TCF20: variants seen among roughly 807,000 people sequenced by gnomAD.
TCF20 encodes the protein transcription factor 20, also known as SPRE-binding protein.
A neutral mutation model predicts 148.6 loss-of-function variants in TCF20; 3 were observed. The observed-to-expected ratio is 0.02, with a 90% CI of 0.01 to 0.05. The LOEUF (loss-of-function observed/expected upper bound fraction) is 0.05. Ranked by LOEUF, TCF20 falls within the 10% of genes least tolerant of loss-of-function variation. The pLI, the probability that TCF20 is intolerant of heterozygous loss-of-function variation, is 1.00. For missense variants in TCF20, 2,350 were observed against 2,429.3 expected (o/e 0.97, Z 0.69); for synonymous variants, 1,049 against 909.5 (o/e 1.15, Z -2.76).
At chr22:42,247,606 A>G (rs1411174850) in intron 1 of TCF20, among the ~76,000 whole-genome samples, 1 of 152,142 alleles carries the variant, frequency 6.6e-6, no homozygotes, top group African/African-American at 2.4e-5. Flanking sequence ...TGGAACCCTG[A>G]AGACCAAGGC....
intron 1 of TCF20, among the ~76,000 whole-genome samples, chr22:42,260,432 T>A (rs538217086): frequency 1.3e-5 from 2 of 152,240 alleles, no homozygotes; most frequent in South Asian, 4.2e-4. Context: ...AAAAAATGGT[T>A]TGGGAGGAAG....
intron 1 of TCF20, among the ~76,000 whole-genome samples, chr22:42,265,823 G>A (rs145471944): frequency 7.2e-4 from 109 of 152,332 alleles, no homozygotes; most frequent in African/African-American, 2.5e-3. Context: ...GTCAGGAAGA[G>A]ATAGCCCTTT....
chr22:42,283,430 C>T (rs1473570289), intron 1 of TCF20, among the ~76,000 whole-genome samples: 8 of 151,980 alleles, frequency 5.3e-5, no homozygotes, highest in Non-Finnish European at 1.0e-4. Context: ...GGGACGGGGG[C>T]GGGCACTCGG....
intron 2 of TCF20, among the ~76,000 whole-genome samples, chr22:42,203,641 G>C (rs17002876): frequency 0.64 from 97,652 of 152,030 alleles, 31,474 homozygotes; most frequent in East Asian, 0.66. Flanking sequence ...TTAGATACAA[G>C]TCTCTGCTAT....
chr22:42,258,029 G>A (rs1925836708), intron 1 of TCF20, among the ~76,000 whole-genome samples: 1 of 152,158 alleles, frequency 6.6e-6, no homozygotes, highest in East Asian at 1.9e-4. Flanking sequence ...GGGGAACAGT[G>A]GAATTGCCAG....
At chr22:42,234,951 C>T (rs1026883436) in intron 1 of TCF20, among the ~76,000 whole-genome samples, 1 of 151,912 alleles carries the variant, frequency 6.6e-6, no homozygotes, top group Non-Finnish European at 1.5e-5. Context: ...CAAGCCTGGC[C>T]AACATGGTGA....
In TCF20 at chr22:42,215,437, C is replaced by T. The variant is rs962059908; in HGVS notation, c.-36-96G>A. 109 of 1,426,274 alleles carry T rather than the reference C, an allele frequency of 7.6e-5. 1 individual carries two copies. Among genetic ancestry groups the T allele is most frequent in the Non-Finnish European group, 9.7e-5 (105 of 1,080,714 alleles). 88.4% of individuals were successfully genotyped at this position (1,426,274 alleles called of 1,614,324 possible). A position where few individuals can be genotyped will look rare whatever the true frequency, so the allele number is the denominator to read the frequency against. ...GGAGGGAATAAAGATGAATCAGAGG[C>T]CCAGATGAAGCTGACTGGTTTGAAT... On this transcript the variant is annotated intron_variant, in intron 1 of 5. Transcript: ENST00000677622.
intron 1 of TCF20, among the ~76,000 whole-genome samples, chr22:42,228,858 C>T (rs1034903627): frequency 4.6e-5 from 7 of 151,812 alleles, no homozygotes; most frequent in Admixed American, 3.9e-4. Flanking sequence ...GGGTCATGAA[C>T]AGCACTTAAA....
Position 42,213,867 on chromosome 22 carries a change from G to A in TCF20, c.1439C>T (p.Thr480Ile), listed in dbSNP as rs1002521922. The A allele has an allele frequency of 6.2e-7, 1 of 1,614,202 alleles. No homozygotes were observed. Among genetic ancestry groups the A allele is most frequent in the East Asian group, 2.2e-5 (1 of 44,884 alleles). ...VQHMLLSDAL[T>I]PQKKTSKRPS... ...CCTCTTGGAGGTCTTCTTCTGAGGA[G>A]TCAGGGCATCAGAAAGTAACATGTG... The change falls in exon 2 of 6, where the codon ACT becomes ATT. Residue 480 changes from threonine to isoleucine, a missense_variant. Transcript: ENST00000677622.
intron 1 of TCF20, among the ~76,000 whole-genome samples, chr22:42,327,724 C>T (rs777019983): frequency 6.6e-5 from 10 of 151,468 alleles, no homozygotes; most frequent in Non-Finnish European, 1.0e-4. Flanking sequence ...GACTTCTAGG[C>T]CTGGGGCTCT....
At chr22:42,220,209 C>T (rs28568838) in intron 1 of TCF20, among the ~76,000 whole-genome samples, 5,906 of 152,218 alleles carry the variant, frequency 0.039, 377 homozygotes, top group African/African-American at 0.13. Context: ...CACTCTGTTG[C>T]CCAGGCTGGA....
intron 1 of TCF20, among the ~76,000 whole-genome samples, chr22:42,322,113 A>T (rs1272930605): frequency 6.6e-6 from 1 of 151,846 alleles, no homozygotes; most frequent in Non-Finnish European, 1.5e-5. Flanking sequence ...TGTTATTAAT[A>T]TTGCTATTGT....
chr22:42,231,959 T>C (rs1184130809), intron 1 of TCF20, among the ~76,000 whole-genome samples: 1 of 149,504 alleles, frequency 6.7e-6, no homozygotes, highest in East Asian at 2.0e-4. Context: ...TACAGTAATC[T>C]AAGGTTAATA....
intron 1 of TCF20, among the ~76,000 whole-genome samples, chr22:42,329,426 AGAGACCATGGATATTCAG>A (rs1481644647): frequency 6.6e-6 from 1 of 152,242 alleles, no homozygotes; most frequent in African/African-American, 2.4e-5. Flanking sequence ...TGCAGGAGGA[AGAGACCATGGATATTCAG>A]GAGCAAAGTA....
At chr22:42,242,215 A>AAAAAAAAAAAAAAAAAAAAAAAAAG (rs1924481618) in intron 1 of TCF20, among the ~76,000 whole-genome samples, 1 of 149,810 alleles carries the variant, frequency 6.7e-6, no homozygotes, top group African/African-American at 2.5e-5. Flanking sequence ...AAAAAAAAAA[A>AAAAAAAAAAAAAAAAAAAAAAAAAG]AAAAAAAAAA....
chr22:42,329,112 C>T (rs988990383), intron 1 of TCF20, among the ~76,000 whole-genome samples: 2 of 152,228 alleles, frequency 1.3e-5, no homozygotes, highest in African/African-American at 4.8e-5. Context: ...TCCAAGAGCC[C>T]GGGAGAGGCG....
Position 42,214,869 on chromosome 22 carries a change from A to G in TCF20, c.437T>C (p.Leu146Pro). 2 of 1,614,186 alleles carry G rather than the reference A, an allele frequency of 1.2e-6. No homozygotes were observed. Among genetic ancestry groups the G allele is most frequent in the South Asian group, 2.2e-5 (2 of 91,084 alleles). The change falls in exon 2 of 6, where the codon CTT (leucine) becomes CCT (proline). Residue 146 changes from leucine (L) to proline (P), a missense_variant. Coordinates refer to ENST00000677622, the MANE Select transcript of TCF20 (RefSeq NM_001378418.1). Reference protein sequence around the residue: ...VGQFQAQHSGLGGVSHYQQDY... With the variant: ...VGQFQAQHSGPGGVSHYQQDY... ...CTGCTGATAATGTGACACACCGCCAAGGCCAGAGTGCTGTGCTTGAAACTG... is the reference window on the plus strand; with the variant it reads ...CTGCTGATAATGTGACACACCGCCAGGGCCAGAGTGCTGTGCTTGAAACTG...
At chr22:42,270,879 C>T (rs1353782341), upstream of TCF20, among the ~76,000 whole-genome samples, 4 of 151,446 alleles carry the variant, frequency 2.6e-5, no homozygotes, top group African/African-American at 9.7e-5. Flanking sequence ...GGGTTCTCCT[C>T]TGCGGCCGCT....
chr22:42,214,439 A>G lies in TCF20; in HGVS notation c.867T>C (p.Asn289=), dbSNP rs1297947347. The G allele has an allele frequency of 6.2e-7, 1 of 1,614,086 alleles. No homozygotes were observed. Among genetic ancestry groups the G allele is most frequent in the Non-Finnish European group, 8.5e-7 (1 of 1,180,012 alleles). The part of the protein sequence containing the change: ...SNAQAYGTQS[N]YSYQPQSMKN... ...TCATAGATTGAGGCTGATAGCTGTA[A>G]TTGGATTGTGTTCCATAAGCCTGTG... Residue 289 remains asparagine, a synonymous_variant, in exon 2 of 6, where the codon AAT becomes AAC. Transcript: ENST00000677622.
Sources: allele counts gnomAD v4.1 joint callset (sites outside exome capture counted in the v4.1 genomes callset), GRCh38; gene constraint gnomAD v4.1.1; transcripts MANE v1.5; gene names NCBI Gene and HGNC (gene_info 2026-07-23, HGNC 2026-07-21).